Variants in PAM observed in about 807,000 individuals in gnomAD.
PAM encodes the protein peptidylglycine alpha-amidating monooxygenase.
PAM carries 72 observed loss-of-function variants against 122.1 expected under a neutral mutation model. The observed-to-expected ratio is 0.59, with a 90% confidence interval of 0.49 to 0.72. The LOEUF (loss-of-function observed/expected upper bound fraction) is 0.72. Among genes scored for constraint, PAM ranks in the 30% least tolerant of loss-of-function variants. The probability of loss-of-function intolerance (pLI) is 0.00; values close to 1 mark genes in which losing one functional copy is unlikely to be tolerated. For synonymous variants in PAM, 389 were observed against 404.4 expected (o/e 0.96, Z 0.46); for missense variants, 1,106 against 1,183.7 (o/e 0.93, Z 0.96).
At chr5:102,854,503 A>G (rs1267918733) in intron 1 of PAM, among the ~76,000 whole-genome samples, 1 of 152,166 alleles carries the variant, frequency 6.6e-6, no homozygotes, top group Non-Finnish European at 1.5e-5. Flanking sequence ...AAAGCTAATA[A>G]GATCAACTGG....
At chr5:102,932,622 A>G (rs549293182) in intron 7 of PAM, among the ~76,000 whole-genome samples, 1 of 149,346 alleles carries the variant, frequency 6.7e-6, no homozygotes, top group East Asian at 1.9e-4. Context: ...TGGGTGACAG[A>G]GTAAGACTCC....
intron 3 of PAM, among the ~76,000 whole-genome samples, chr5:102,870,332 TTAGA>T (rs1219049492): frequency 6.6e-6 from 1 of 152,094 alleles, no homozygotes; most frequent in East Asian, 1.9e-4. Flanking sequence ...TTAGGTAGGC[TTAGA>T]TAGAGAAACA....
At chr5:102,985,938 A>G (rs1195310700) in intron 15 of PAM, among the ~76,000 whole-genome samples, 1 of 152,200 alleles carries the variant, frequency 6.6e-6, no homozygotes, top group Non-Finnish European at 1.5e-5. Flanking sequence ...ATGGTTCAAC[A>G]TCAAAAAATG....
intron 21 of PAM, among the ~76,000 whole-genome samples, chr5:103,013,644 A>G (rs1781235911): frequency 6.6e-6 from 1 of 152,192 alleles, no homozygotes; most frequent in African/African-American, 2.4e-5. Context: ...ATTAATAGAA[A>G]TTAGTCTAAT....
At chr5:102,986,084 T>C (rs1364279520) in intron 15 of PAM, among the ~76,000 whole-genome samples, 3 of 152,106 alleles carry the variant, frequency 2.0e-5, no homozygotes, top group African/African-American at 7.2e-5. Context: ...GGAATATACT[T>C]CTACATAATA....
intron 14 of PAM, among the ~76,000 whole-genome samples, chr5:102,965,872 AG>A (rs1297115699): frequency 1.3e-5 from 2 of 152,084 alleles, no homozygotes; most frequent in African/African-American, 2.4e-5. Flanking sequence ...TCAAATAAGC[AG>A]AATCAAGGGA....
intron 5 of PAM, among the ~76,000 whole-genome samples, chr5:102,914,411 A>G (rs1802491031): frequency 6.6e-5 from 10 of 152,096 alleles, no homozygotes; most frequent in Admixed American, 6.6e-4. Context: ...ACCATGTAAC[A>G]TGTTCCCCTG....
At chr5:102,989,798 A>AGATG (rs1773437652) in intron 15 of PAM, 1 of 149,166 alleles carries the variant, frequency 6.7e-6, no homozygotes, top group Non-Finnish European at 1.5e-5. Context: ...ATGATAGATT[A>AGATG]GATAGATAGA....
chr5:102,926,089 A>T (rs13188611), intron 6 of PAM, among the ~76,000 whole-genome samples: 8,890 of 150,832 alleles, frequency 0.059, 368 homozygotes, highest in South Asian at 0.13. Flanking sequence ...GGGTTTATGT[A>T]TGTCTTTTTT....
intron 5 of PAM, among the ~76,000 whole-genome samples, chr5:102,915,533 A>AT (rs1189609382): frequency 3.3e-5 from 5 of 152,160 alleles, no homozygotes; most frequent in Non-Finnish European, 5.9e-5. Flanking sequence ...TCTTCAGTAA[A>AT]TTTTTGTAAA....
chr5:102,910,592 A>G (rs763357950), intron 4 of PAM, among the ~76,000 whole-genome samples: 1 of 151,860 alleles, frequency 6.6e-6, no homozygotes. Context: ...TCATCTTAAT[A>G]TTGAGTTAGA....
intron 4 of PAM, among the ~76,000 whole-genome samples, chr5:102,903,727 T>C: frequency 6.6e-6 from 1 of 151,558 alleles, no homozygotes; most frequent in East Asian, 1.9e-4. Context: ...CCCAAGCTTT[T>C]TACTAGCTAT....
chr5:103,009,687 G>T, intron 20 of PAM, 64 bp from the exon 21 acceptor site: 1 of 850,030 alleles, frequency 1.2e-6, no homozygotes, highest in Admixed American at 1.7e-5. Flanking sequence ...AATATACATG[G>T]ATATATTAGA....
chr5:102,997,382 T>C (rs1776046210), intron 16 of PAM, among the ~76,000 whole-genome samples: 1 of 152,058 alleles, frequency 6.6e-6, no homozygotes, highest in South Asian at 2.1e-4. Flanking sequence ...CTAGGCATGG[T>C]GGTGTGCACC....
At chr5:103,022,332 G>T (rs1157805987) in intron 23 of PAM, among the ~76,000 whole-genome samples, 1 of 151,648 alleles carries the variant, frequency 6.6e-6, no homozygotes, top group Admixed American at 6.6e-5. Context: ...CTTCAGTTCT[G>T]TCTGTGATGA....
chr5:102,957,566 T>A (rs1336840104), intron 12 of PAM, among the ~76,000 whole-genome samples: 2 of 152,124 alleles, frequency 1.3e-5, no homozygotes, highest in Non-Finnish European at 2.9e-5. Flanking sequence ...TCTCAGTCTG[T>A]CACCTAGGCT....
chr5:103,002,911 CAA>C, intron 16 of PAM, 120 bp from the exon 17 acceptor site: 1 of 643,804 alleles, frequency 1.6e-6, no homozygotes, highest in African/African-American at 1.8e-5. Flanking sequence ...ATGTGGCAGA[CAA>C]AGAGTGAAGT....
In PAM at chr5:102,769,974, C is replaced by T. The variant is rs535240010; in HGVS notation, c.-374+14626C>T. Among the ~76,000 whole-genome samples the T allele has an allele frequency of 6.4e-4, 97 of 152,174 alleles. 1 individual carries two copies. The highest frequency in any genetic ancestry group is 2.3e-3 in the African/African-American group (94 of 41,536). ...GACATTTTACCGATATTGATTCTTCCAATCCATGATCATAGGATATCTTTC... is the reference window on the plus strand; with the variant it reads ...GACATTTTACCGATATTGATTCTTCTAATCCATGATCATAGGATATCTTTC... On this transcript the variant is annotated intron_variant, in intron 1 of 25. Coordinates refer to ENST00000438793, the MANE Select transcript of PAM (RefSeq NM_001177306.2).
intron 1 of PAM, among the ~76,000 whole-genome samples, chr5:102,863,600 T>C (rs1200219085): frequency 6.6e-6 from 1 of 151,588 alleles, no homozygotes; most frequent in Non-Finnish European, 1.5e-5. Context: ...GTATGTATTA[T>C]AATCTTTTGT....
Sources: allele counts gnomAD v4.1 joint callset (sites outside exome capture counted in the v4.1 genomes callset), GRCh38; gene constraint gnomAD v4.1.1; transcripts MANE v1.5; gene names NCBI Gene and HGNC (gene_info 2026-07-23, HGNC 2026-07-21).